Variants in RAP1A observed in about 807,000 individuals in gnomAD.
The protein encoded by RAP1A is ras-related protein Rap-1A.
A neutral mutation model predicts 26.4 loss-of-function variants in RAP1A; 6 were observed. The ratio of observed to expected loss-of-function variants is 0.23; its 90% CI spans 0.12 to 0.45. The LOEUF is 0.45. Ranked by LOEUF, RAP1A falls within the 20% of genes least tolerant of loss-of-function variation. The probability of loss-of-function intolerance (pLI) is 0.99; values close to 1 mark genes in which losing one functional copy is unlikely to be tolerated. For missense variants in RAP1A, 121 were observed against 217.2 expected, an observed-to-expected ratio of 0.56 and a Z score of 2.78; for synonymous variants, 73 against 79.4, an observed-to-expected ratio of 0.92 and a Z score of 0.43.
At chr1:111,630,221 G>T (rs963659333) in intron 1 of RAP1A, among the ~76,000 whole-genome samples, 1 of 152,188 alleles carries the variant, frequency 6.6e-6, no homozygotes, top group Non-Finnish European at 1.5e-5. Context: ...ACAAAATGAA[G>T]TGTACTGGTT....
intron 1 of RAP1A, among the ~76,000 whole-genome samples, chr1:111,603,395 T>C (rs1338432359): frequency 6.6e-6 from 1 of 152,198 alleles, no homozygotes; most frequent in East Asian, 1.9e-4. Flanking sequence ...GTCATCACTA[T>C]AATTTGAATG....
At chr1:111,618,441 C>T (rs1659062176), upstream of RAP1A, among the ~76,000 whole-genome samples, 1 of 152,206 alleles carries the variant, frequency 6.6e-6, no homozygotes, top group Non-Finnish European at 1.5e-5. Flanking sequence ...GGTAGCGCCT[C>T]CTTTTCTACT....
chr1:111,565,915 A>G (rs530249664), intron 1 of RAP1A, among the ~76,000 whole-genome samples: 2 of 152,150 alleles, frequency 1.3e-5, no homozygotes, highest in Non-Finnish European at 2.9e-5. Context: ...GAGACAAACC[A>G]GGGATGTAGA....
At chr1:111,693,958 G>A (rs1467218176) in intron 2 of RAP1A, among the ~76,000 whole-genome samples, 1 of 150,798 alleles carries the variant, frequency 6.6e-6, no homozygotes, top group Non-Finnish European at 1.5e-5. Flanking sequence ...GCGTGATCAT[G>A]GCTCACTGCA....
chr1:111,697,190 T>A (rs924645363), intron 3 of RAP1A, among the ~76,000 whole-genome samples: 2 of 152,204 alleles, frequency 1.3e-5, no homozygotes. Context: ...TAATAACAAA[T>A]AAGAATCGTT....
chr1:111,709,488 CT>C, intron 7 of RAP1A, among the ~76,000 whole-genome samples: 1 of 151,020 alleles, frequency 6.6e-6, no homozygotes, highest in East Asian at 1.9e-4. Context: ...TTTCTTGCCA[CT>C]GTGTCCCCAG....
chr1:111,575,947 TA>T (rs1165177494), intron 1 of RAP1A, among the ~76,000 whole-genome samples: 2 of 152,182 alleles, frequency 1.3e-5, no homozygotes, highest in Non-Finnish European at 2.9e-5. Context: ...GAAAAATATA[TA>T]ATACACACAA....
At chr1:111,622,571 C>CT (rs1557868907) in intron 1 of RAP1A, among the ~76,000 whole-genome samples, 1 of 152,196 alleles carries the variant, frequency 6.6e-6, no homozygotes, top group East Asian at 1.9e-4. Flanking sequence ...ACCTTATACT[C>CT]TTAAGACTAG....
chr1:111,580,235 A>G (rs1033704249), intron 1 of RAP1A, among the ~76,000 whole-genome samples: 1 of 152,206 alleles, frequency 6.6e-6, no homozygotes, highest in Non-Finnish European at 1.5e-5. Flanking sequence ...GACTGTTTGT[A>G]TTAGGTAAAC....
chr1:111,699,256 A>AT (rs1661938185), intron 4 of RAP1A, among the ~76,000 whole-genome samples: 1 of 152,090 alleles, frequency 6.6e-6, no homozygotes, highest in South Asian at 2.1e-4. Flanking sequence ...TACTATCCAT[A>AT]TAGAATCTAT....
intron 1 of RAP1A, among the ~76,000 whole-genome samples, chr1:111,669,679 A>C (rs564807): frequency 2.6e-5 from 4 of 152,092 alleles, no homozygotes; most frequent in African/African-American, 9.7e-5. Context: ...CAAGAAGAGC[A>C]TGAAAAGGTC....
intron 1 of RAP1A, chr1:111,602,150 G>A (rs542954972): frequency 2.6e-5 from 4 of 152,324 alleles, no homozygotes; most frequent in East Asian, 3.9e-4. Context: ...CTGTCACTGA[G>A]GGTGTTCTAA....
intron 2 of RAP1A, among the ~76,000 whole-genome samples, chr1:111,694,064 A>T (rs78434941): frequency 6.6e-6 from 1 of 151,934 alleles, no homozygotes; most frequent in East Asian, 1.9e-4. Flanking sequence ...AAATTTTTAA[A>T]TTTTTTGTAG....
At chr1:111,563,833 T>C (rs1232534352) in intron 1 of RAP1A, 4 of 1,607,542 alleles carry the variant, frequency 2.5e-6, no homozygotes, top group Non-Finnish European at 3.4e-6. Flanking sequence ...CTATATTTTC[T>C]GCTATGACTC....
chr1:111,548,243 A>G (rs2800896), intron 1 of RAP1A, among the ~76,000 whole-genome samples: 50,141 of 151,938 alleles, frequency 0.33, 9,450 homozygotes, highest in Non-Finnish European at 0.43. Flanking sequence ...CTGGTCTCAA[A>G]CTCCTGGCCT....
At chr1:111,548,296 C>T (rs915070232) in intron 1 of RAP1A, among the ~76,000 whole-genome samples, 20 of 152,248 alleles carry the variant, frequency 1.3e-4, no homozygotes, top group Non-Finnish European at 2.9e-5. Flanking sequence ...GCTGGGATTA[C>T]AAGCGTGAGC....
chr1:111,707,516 A>G (rs925832752), intron 6 of RAP1A, among the ~76,000 whole-genome samples: 3 of 152,212 alleles, frequency 2.0e-5, no homozygotes, highest in African/African-American at 7.2e-5. Flanking sequence ...GATCAAAGAC[A>G]TTGTCTTACA....
At chr1:111,587,170 C>T (rs1571484886) in intron 1 of RAP1A, among the ~76,000 whole-genome samples, 1 of 152,150 alleles carries the variant, frequency 6.6e-6, no homozygotes, top group South Asian at 2.1e-4. Context: ...CAGGTGGCTA[C>T]AAGCAATTAT....
At chr1:111,645,881 A>C (rs1384364019) in intron 1 of RAP1A, among the ~76,000 whole-genome samples, 2 of 152,192 alleles carry the variant, frequency 1.3e-5, no homozygotes, top group South Asian at 2.1e-4. Context: ...GTTAGGAGAA[A>C]AGGAAGGGAA....
Sources: gnomAD v4.1 joint callset for allele counts (sites outside exome capture counted in the v4.1 genomes callset) on GRCh38, gnomAD v4.1.1 for gene constraint, MANE v1.5 for transcripts, NCBI Gene and HGNC (gene_info 2026-07-23, HGNC 2026-07-21) for gene names.